The following UNC80 variants were observed in gnomAD, a reference collection of about 807,000 sequenced individuals.
UNC80 encodes unc-80 subunit of NALCN channel complex.
UNC80 carries 164 observed loss-of-function variants against 384.6 expected under a neutral mutation model. The observed-to-expected ratio is 0.43, with a 90% CI of 0.38 to 0.49. The LOEUF is 0.49. UNC80 is among the 20% of genes least tolerant of loss of function. The probability of loss-of-function intolerance (pLI) is 0.00; values close to 1 mark genes in which losing one functional copy is unlikely to be tolerated. For missense variants in UNC80, 3,330 were observed against 4,143.0 expected (o/e 0.80, Z 5.39); for synonymous variants, 1,486 against 1,527.8 (o/e 0.97, Z 0.64).
At chr2:209,820,076 C>T (rs2080029320) in intron 12 of UNC80, among the ~76,000 whole-genome samples, 1 of 152,150 alleles carries the variant, frequency 6.6e-6, no homozygotes, top group South Asian at 2.1e-4. Context: ...GGAAGATGTA[C>T]ATGAGATAAT....
In UNC80 at chr2:209,994,131, C is replaced by G. The variant is rs1224904650; in HGVS notation, c.9575C>G (p.Ala3192Gly). Residue 3192 changes from alanine to glycine, a missense_variant, in exon 64 of 65, where the codon GCG becomes GGG. Physicochemically the swap from Ala to Gly is moderately conservative, Grantham distance 60. Transcript: ENST00000673920. ...GAGCCAGCAGCTGCCCCAACAGATG[C>G]GCTTCCTGCAACAGGCCAACTACAG... ...QPEPAAAPTD[A>G]LPATGQLQGC... 1.3e-6 allele frequency: 2 copies of G among 1,551,564 alleles called. No homozygotes were observed. The highest frequency in any genetic ancestry group is 3.9e-5 in the Admixed American group (2 of 50,974).
In UNC80 at chr2:209,937,706, T is replaced by C. The variant is rs1052045915; in HGVS notation, c.6465+76T>C. The C allele has an allele frequency of 8.6e-6, 10 of 1,157,942 alleles. No individual in the cohort carries two copies. The African/African-American group carries it at 1.1e-4, about 12-fold the overall frequency. The allele number at this position is 1,157,942 out of a possible 1,614,324, so 71.7% of individuals were successfully genotyped here. A position where few individuals can be genotyped will look rare whatever the true frequency, so the allele number is the denominator to read the frequency against. ...AGATATCTGTTCATACTTTGCCAACTTTGAGATTTTATGATTCCATTTTGA... is the reference window on the plus strand; with the variant it reads ...AGATATCTGTTCATACTTTGCCAACCTTGAGATTTTATGATTCCATTTTGA... On this transcript the variant is annotated intron_variant, in intron 42 of 64. Coordinates refer to ENST00000673920, the MANE Select transcript of UNC80 (RefSeq NM_001371986.1).
At chr2:209,889,444 T>C (rs576547356) in intron 26 of UNC80, among the ~76,000 whole-genome samples, 1 of 152,358 alleles carries the variant, frequency 6.6e-6, no homozygotes, top group East Asian at 1.9e-4. Flanking sequence ...CATACACACC[T>C]TGGCCTAATT....
chr2:209,912,503 A>T, intron 29 of UNC80, 57 bp from the exon 30 acceptor site: 1 of 1,210,550 alleles, frequency 8.3e-7, no homozygotes, highest in East Asian at 2.7e-5. Context: ...GACATATAGC[A>T]CTGTTGGGTT....
At chr2:209,818,751 C>T (rs889369761) in intron 11 of UNC80, among the ~76,000 whole-genome samples, 1 of 152,218 alleles carries the variant, frequency 6.6e-6, no homozygotes, top group African/African-American at 2.4e-5. Context: ...ATCCTAATCT[C>T]AGCCTTAAGG....
chr2:209,847,780 T>C lies in UNC80; in HGVS notation c.3455-1671T>C, dbSNP rs530740983. Among the ~76,000 whole-genome samples the C allele has an allele frequency of 2.6e-5, 4 of 152,162 alleles. No individual in the cohort carries two copies. The East Asian group carries it at 7.7e-4, about 29-fold the overall frequency. On this transcript the variant is annotated intron_variant, in intron 21 of 64. Coordinates refer to ENST00000673920, the MANE Select transcript of UNC80 (RefSeq NM_001371986.1). ...AATGATCTCAACTGTTCTTAATAAA[T>C]TTGATAAATAAGAATAACTTCATTG...
chr2:209,985,069 A>G (rs946545355), intron 61 of UNC80, among the ~76,000 whole-genome samples, 157 bp downstream of exon 61: 5 of 152,102 alleles, frequency 3.3e-5, no homozygotes, highest in African/African-American at 1.2e-4. Flanking sequence ...ATGAGCCTGG[A>G]AGTCAAAGGT....
At chr2:209,884,092 G>A (rs548962663) in intron 25 of UNC80, among the ~76,000 whole-genome samples, 144 of 152,088 alleles carry the variant, frequency 9.5e-4, no homozygotes, top group Non-Finnish European at 1.7e-3. Context: ...AGAAAGGGAA[G>A]GGCAGCATTT....
At chr2:209,926,713 C>A in intron 35 of UNC80, 130 bp from the exon 36 acceptor site, 1 of 1,137,556 alleles carries the variant, frequency 8.8e-7, no homozygotes, top group South Asian at 1.6e-5. Flanking sequence ...GAAGTCGAGG[C>A]TGCAGTGAGC....
chr2:209,875,901 A>G (rs1477067113), intron 23 of UNC80, among the ~76,000 whole-genome samples: 3 of 152,014 alleles, frequency 2.0e-5, no homozygotes, highest in Admixed American at 6.6e-5. Flanking sequence ...CTTTTGGGGT[A>G]CAAGCAGTTT....
intron 16 of UNC80, among the ~76,000 whole-genome samples, chr2:209,832,870 C>G: frequency 6.6e-6 from 1 of 152,154 alleles, no homozygotes; most frequent in East Asian, 1.9e-4. Context: ...TTGGGGTTCC[C>G]CACTTCACAG....
chr2:209,892,477 C>G lies in UNC80; in HGVS notation c.4277-1686C>G, dbSNP rs1008334299. Among the ~76,000 whole-genome samples, 34 of 152,114 alleles carry G rather than the reference C, an allele frequency of 2.2e-4. 1 individual carries two copies. The highest frequency in any genetic ancestry group is 7.2e-4 in the African/African-American group (30 of 41,434). ...CTTGTAAATAACCAGTGCCATAATT[C>G]TGAACTGTAATTTTTCAGTGCTATA... On this transcript the variant is annotated intron_variant, in intron 26 of 64. Transcript: ENST00000673920.
At chr2:209,944,406 A>G (rs2091810934) in intron 45 of UNC80, among the ~76,000 whole-genome samples, 1 of 152,136 alleles carries the variant, frequency 6.6e-6, no homozygotes, top group Non-Finnish European at 1.5e-5. Flanking sequence ...AGCAGAATTT[A>G]ATCTTCATGA....
rs562711237 is a variant in UNC80, at chr2:209,777,101, G to A, written c.299-157G>A. On this transcript the variant is annotated intron_variant, in intron 3 of 64. Coordinates refer to ENST00000673920, the MANE Select transcript of UNC80 (RefSeq NM_001371986.1). ...AGCATATCATTCTGCAGAGATTGCG[G>A]CCAGTAGGGAAGTCCAAAAAGCAAG... Among the ~76,000 whole-genome samples the A allele has an allele frequency of 5.3e-5, 8 of 152,356 alleles. No homozygotes were observed. The East Asian group carries it at 1.3e-3, about 26-fold the overall frequency.
At chr2:209,946,675 C>G (rs2091930179) in intron 47 of UNC80, among the ~76,000 whole-genome samples, 1 of 152,142 alleles carries the variant, frequency 6.6e-6, no homozygotes, top group African/African-American at 2.4e-5. Flanking sequence ...TTGCCAAGTA[C>G]AGAGAATTCA....
chr2:209,987,551 G>T (rs2093314391), intron 61 of UNC80, among the ~76,000 whole-genome samples: 1 of 152,112 alleles, frequency 6.6e-6, no homozygotes, highest in African/African-American at 2.4e-5. Flanking sequence ...TTTCTCTCCA[G>T]AAGAATAGAG....
chr2:209,970,251 G>A (rs2092845192), intron 53 of UNC80: 1 of 225,178 alleles, frequency 4.4e-6, no homozygotes, highest in South Asian at 1.2e-4. Flanking sequence ...AATGCAAAGA[G>A]GATATTTTTC....
intron 47 of UNC80, among the ~76,000 whole-genome samples, chr2:209,950,335 TA>T (rs1302618654): frequency 2.7e-5 from 4 of 150,882 alleles, no homozygotes; most frequent in Admixed American, 6.6e-5. Flanking sequence ...ATGCTTTTTT[TA>T]AAAAAAAAAT....
In UNC80 at chr2:209,818,996, G is replaced by A. The variant is rs1159500094; in HGVS notation, c.1697G>A (p.Arg566Gln). 10 of 1,551,096 alleles carry A rather than the reference G, an allele frequency of 6.4e-6. No homozygotes were observed. The highest frequency in any genetic ancestry group is 2.4e-5 in the South Asian group (2 of 84,026). The change falls in exon 12 of 65, where the codon CGA (arginine) becomes CAA (glutamine). Residue 566 changes from arginine (R) to glutamine (Q), a missense_variant. Transcript: ENST00000673920. ...SHGENTVKEV[R>Q]SQISTITVAT... ...GACATTGCTTTCATTTTATTAGTGCGATCTCAGATCTCCACCATCACAGTT... is the reference window on the plus strand; with the variant it reads ...GACATTGCTTTCATTTTATTAGTGCAATCTCAGATCTCCACCATCACAGTT...
Sources: gnomAD v4.1 joint callset for allele counts (sites outside exome capture counted in the v4.1 genomes callset) on GRCh38, gnomAD v4.1.1 for gene constraint, MANE v1.5 for transcripts, NCBI Gene and HGNC (gene_info 2026-07-23, HGNC 2026-07-21) for gene names.